TRAPPC9: variants seen among roughly 807,000 people sequenced by gnomAD.
The protein encoded by TRAPPC9 is IKK2 binding protein.
A neutral mutation model predicts 124.0 loss-of-function variants in TRAPPC9; 83 were observed. The ratio of observed to expected loss-of-function variants is 0.67; its 90% CI spans 0.56 to 0.80. The LOEUF (loss-of-function observed/expected upper bound fraction) is 0.80. TRAPPC9 is among the 30% of genes least tolerant of loss of function. TRAPPC9 has a pLI of 0.00. For synonymous variants in TRAPPC9, 638 were observed against 617.5 expected (o/e 1.03, Z -0.49); for missense variants, 1,302 against 1,508.3 (o/e 0.86, Z 2.27).
At chr8:139,905,672 C>T (rs1441972739) in intron 20 of TRAPPC9, among the ~76,000 whole-genome samples, 1 of 152,140 alleles carries the variant, frequency 6.6e-6, no homozygotes. Context: ...TGGCCCCAGG[C>T]TTGGTGGCAG....
At chr8:139,754,208 A>G (rs1456319524) in intron 21 of TRAPPC9, among the ~76,000 whole-genome samples, 1 of 152,004 alleles carries the variant, frequency 6.6e-6, no homozygotes, top group African/African-American at 2.4e-5. Context: ...CCCTCTCCAG[A>G]CCCTGCTTTC....
In TRAPPC9 at chr8:140,368,995, TTCCATGGTGTGCGTGCCG is replaced by T. The variant is rs1210448873; in HGVS notation, c.1351+1951_1351+1968del. ...CCACCATGTACTAATGTAAACACAGTTCCATGGTGTGCGTGCCGTCCATGGCTGCTTTCACACCACAAC... is the reference window on the plus strand; with the variant it reads ...CCACCATGTACTAATGTAAACACAGTTCCATGGCTGCTTTCACACCACAAC... On this transcript the variant is annotated intron_variant, in intron 8 of 22. Transcript: ENST00000438773. Among the ~76,000 whole-genome samples, 3 of 152,322 alleles carry T rather than the reference TTCCATGGTGTGCGTGCCG, an allele frequency of 2.0e-5. No homozygotes were observed. The South Asian group carries it at 6.2e-4, about 32-fold the overall frequency.
At chr8:140,032,026 A>T (rs1362138146) in intron 17 of TRAPPC9, among the ~76,000 whole-genome samples, 1 of 152,048 alleles carries the variant, frequency 6.6e-6, no homozygotes, top group Admixed American at 6.6e-5. Flanking sequence ...AGTGCCATAG[A>T]CCACAGCAGT....
At chr8:140,180,024 G>A (rs1176268853) in intron 17 of TRAPPC9, among the ~76,000 whole-genome samples, 1 of 84,138 alleles carries the variant, frequency 1.2e-5, no homozygotes, top group Non-Finnish European at 2.2e-5. Context: ...TGGCCAGTAT[G>A]ATAGTCTCTA....
At chr8:140,163,982 C>T (rs1446786089) in intron 17 of TRAPPC9, among the ~76,000 whole-genome samples, 4 of 152,146 alleles carry the variant, frequency 2.6e-5, no homozygotes, top group South Asian at 2.1e-4. Flanking sequence ...TTAACTCGTT[C>T]GTGAAGACAA....
At chr8:140,341,946 T>C (rs2067207773) in intron 9 of TRAPPC9, among the ~76,000 whole-genome samples, 1 of 152,242 alleles carries the variant, frequency 6.6e-6, no homozygotes, top group East Asian at 1.9e-4. Flanking sequence ...TCTGACACTA[T>C]TTCAGCAGAA....
At position 140,435,219 on chromosome 8, in the gene TRAPPC9, G is replaced by A; in HGVS notation, c.752C>T (p.Ser251Leu). ...AGGATAGTGATAGATGACAGAAGCT[G>A]AACACAATCCTTCCAGGGCAGCTGG... The part of the protein sequence containing the change: ...WLGAALEGLC[S>L]ASVIYHYPGG... Residue 251 changes from serine to leucine, a missense_variant, in exon 4 of 23, where the codon TCA becomes TTA. Around this residue, in one of 3 missense-constraint regions of TRAPPC9, gnomAD observed 657 missense variants for 811.2 expected, o/e 0.81. Coordinates refer to ENST00000438773, the MANE Select transcript of TRAPPC9 (RefSeq NM_001160372.4). 1.2e-6 allele frequency: 2 copies of A among 1,613,884 alleles called. No homozygotes were observed. The highest frequency in any genetic ancestry group is 1.3e-5 in the African/African-American group (1 of 74,928).
chr8:139,824,045 C>T (rs894736220), intron 21 of TRAPPC9, among the ~76,000 whole-genome samples: 15 of 152,174 alleles, frequency 9.9e-5, no homozygotes, highest in African/African-American at 3.6e-4. Context: ...ATGGGGCTCT[C>T]ACGTGTATCA....
At chr8:139,770,018 T>C (rs1441253726) in intron 21 of TRAPPC9, among the ~76,000 whole-genome samples, 1 of 152,196 alleles carries the variant, frequency 6.6e-6, no homozygotes, top group African/African-American at 2.4e-5. Flanking sequence ...CACCCGCCAG[T>C]GGTGGGCCAG....
intron 19 of TRAPPC9, among the ~76,000 whole-genome samples, chr8:139,963,455 C>T (rs1224694902): frequency 1.3e-5 from 2 of 152,110 alleles, no homozygotes; most frequent in African/African-American, 2.4e-5. Flanking sequence ...TTCATTTCAT[C>T]CTTATTCCCT....
At chr8:140,391,082 T>G (rs928607188) in intron 7 of TRAPPC9, among the ~76,000 whole-genome samples, 2 of 152,208 alleles carry the variant, frequency 1.3e-5, no homozygotes, top group African/African-American at 4.8e-5. Flanking sequence ...TAGCAACAGC[T>G]TCATTAAGGA....
At chr8:140,023,317 T>C (rs1839927448) in intron 18 of TRAPPC9, among the ~76,000 whole-genome samples, 1 of 152,234 alleles carries the variant, frequency 6.6e-6, no homozygotes, top group South Asian at 2.1e-4. Flanking sequence ...AATATCATTC[T>C]CCCACCTCAG....
At chr8:140,378,355 C>A (rs2068507093) in intron 7 of TRAPPC9, among the ~76,000 whole-genome samples, 1 of 152,058 alleles carries the variant, frequency 6.6e-6, no homozygotes, top group African/African-American at 2.4e-5. Context: ...GCTGCCAGCG[C>A]AGCTAAGAAT....
chr8:139,942,567 A>C (rs1219692352), intron 19 of TRAPPC9, among the ~76,000 whole-genome samples: 1 of 152,214 alleles, frequency 6.6e-6, no homozygotes, highest in Non-Finnish European at 1.5e-5. Context: ...TGAAAGTTGG[A>C]AAAGTAGAAA....
At chr8:140,042,292 T>C (rs1407323325) in intron 17 of TRAPPC9, among the ~76,000 whole-genome samples, 1 of 152,118 alleles carries the variant, frequency 6.6e-6, no homozygotes, top group African/African-American at 2.4e-5. Context: ...AGATGATCAG[T>C]ATACAATTTT....
chr8:139,871,415 C>T (rs1470089264), intron 21 of TRAPPC9, among the ~76,000 whole-genome samples: 1 of 152,224 alleles, frequency 6.6e-6, no homozygotes, highest in Non-Finnish European at 1.5e-5. Context: ...TTCCTCAGCA[C>T]CTGCAGGCAT....
chr8:140,149,593 C>T (rs1032124860), intron 17 of TRAPPC9, among the ~76,000 whole-genome samples: 2 of 149,968 alleles, frequency 1.3e-5, no homozygotes, highest in African/African-American at 2.5e-5. Flanking sequence ...CATTGCACTC[C>T]AGCCTAAGTG....
At position 140,336,583 on chromosome 8, in the gene TRAPPC9, C is replaced by T. The variant is rs1251807900; in HGVS notation, c.1495+23467G>A. On this transcript the variant is annotated intron_variant, in intron 9 of 22. Transcript: ENST00000438773. The stretch of plus-strand genomic sequence containing the variant: ...CGCACACCCTCATCCAAACCAAGTC[C>T]CTGTCTACTCTGACACTGATGGATG... Among the ~76,000 whole-genome samples, 3 of 152,176 alleles carry T rather than the reference C, an allele frequency of 2.0e-5. 1 individual carries two copies. Among genetic ancestry groups the T allele is most frequent in the African/African-American group, 7.2e-5 (3 of 41,424 alleles).
chr8:139,785,813 A>C (rs1822194413), intron 21 of TRAPPC9, among the ~76,000 whole-genome samples: 1 of 152,246 alleles, frequency 6.6e-6, no homozygotes, highest in Non-Finnish European at 1.5e-5. Context: ...AAGAGAATGA[A>C]AAGACAAGTT....
Sources: gnomAD v4.1 joint callset for allele counts (sites outside exome capture counted in the v4.1 genomes callset) on GRCh38, gnomAD v4.1.1 for gene constraint, gnomAD v4.1.1 regional missense constraint, MANE v1.5 for transcripts, NCBI Gene and HGNC (gene_info 2026-07-23, HGNC 2026-07-21) for gene names.